Variants in LYRM4 observed in about 807,000 individuals in gnomAD.
The protein encoded by LYRM4 is LYR motif containing 4.
Under a neutral mutation model 11.7 loss-of-function variants are expected in LYRM4, and 9 were observed. The observed-to-expected ratio is 0.77, with a 90% CI of 0.46 to 1.34. The LOEUF (loss-of-function observed/expected upper bound fraction) is 1.34, where lower values mean the gene tolerates loss of function less well. Among genes scored for constraint, LYRM4 ranks in the 40% most tolerant of loss-of-function variants. The probability of loss-of-function intolerance (pLI) is 0.00; values close to 1 mark genes in which losing one functional copy is unlikely to be tolerated. For synonymous variants in LYRM4, 42 were observed against 40.4 expected (o/e 1.04, Z -0.15); for missense variants, 133 against 112.5 (o/e 1.18, Z -0.82).
chr6:5,051,112 T>C, the LYRM4 span, among the ~76,000 whole-genome samples: 4 of 152,122 alleles, frequency 2.6e-5, no homozygotes, highest in Non-Finnish European at 5.9e-5. Context: ...AACAATTGAA[T>C]TCTTGACTCT....
At chr6:5,057,263 T>C in the LYRM4 span, among the ~76,000 whole-genome samples, 2 of 152,168 alleles carry the variant, frequency 1.3e-5, no homozygotes, top group South Asian at 2.1e-4. Context: ...TAGCCTGCTG[T>C]CATTGCTAAA....
At chr6:5,127,878 A>G (rs1166990337) in intron 2 of LYRM4, among the ~76,000 whole-genome samples, 2 of 152,208 alleles carry the variant, frequency 1.3e-5, no homozygotes, top group Non-Finnish European at 2.9e-5. Context: ...CAACATTGTT[A>G]CATTACAATT....
the LYRM4 span, among the ~76,000 whole-genome samples, chr6:5,059,387 T>G: frequency 6.9e-6 from 1 of 145,798 alleles, no homozygotes; most frequent in Non-Finnish European, 1.5e-5. Context: ...AGAAGCACAC[T>G]CCTCCCCTTT....
At chr6:5,092,021 T>C in the LYRM4 span, among the ~76,000 whole-genome samples, 94 of 152,282 alleles carry the variant, frequency 6.2e-4, no homozygotes, top group Non-Finnish European at 4.4e-5. Context: ...TAGCTGGAAA[T>C]AGGAAATTCA....
intron 1 of LYRM4, among the ~76,000 whole-genome samples, chr6:5,257,648 T>C (rs1353222756): frequency 6.6e-6 from 1 of 152,156 alleles, no homozygotes; most frequent in Non-Finnish European, 1.5e-5. Flanking sequence ...GCGGCGGCAT[T>C]AGATTCTCAT....
At chr6:5,233,454 C>A (rs1164917092) in intron 1 of LYRM4, among the ~76,000 whole-genome samples, 1 of 152,164 alleles carries the variant, frequency 6.6e-6, no homozygotes, top group Non-Finnish European at 1.5e-5. Context: ...AGTTAGGGAC[C>A]TGGATTCATT....
intron 1 of LYRM4, among the ~76,000 whole-genome samples, chr6:5,222,946 C>G (rs1181712745): frequency 1.3e-5 from 2 of 152,000 alleles, no homozygotes; most frequent in African/African-American, 4.8e-5. Context: ...GGTGTATAAC[C>G]TATGAATAAT....
chr6:5,063,345 T>C, the LYRM4 span, among the ~76,000 whole-genome samples: 2 of 151,846 alleles, frequency 1.3e-5, no homozygotes, highest in Non-Finnish European at 2.9e-5. Context: ...CTGGTGCTCT[T>C]CTGGGGAGAT....
At chr6:5,180,198 C>A (rs779924538) in intron 2 of LYRM4, among the ~76,000 whole-genome samples, 1 of 152,174 alleles carries the variant, frequency 6.6e-6, no homozygotes, top group Non-Finnish European at 1.5e-5. Flanking sequence ...CCTGTGGATT[C>A]TTCCGCAGTT....
chr6:5,146,502 T>C (rs1757733379), intron 2 of LYRM4, among the ~76,000 whole-genome samples: 1 of 152,168 alleles, frequency 6.6e-6, no homozygotes, highest in African/African-American at 2.4e-5. Flanking sequence ...AGGCAGGACC[T>C]GGAATGCTTG....
chr6:5,178,072 G>T (rs1054299621), intron 2 of LYRM4, among the ~76,000 whole-genome samples: 1 of 152,128 alleles, frequency 6.6e-6, no homozygotes, highest in African/African-American at 2.4e-5. Context: ...CAGCTTAAGA[G>T]CAGTGACTAA....
chr6:5,072,141 G>A, the LYRM4 span, among the ~76,000 whole-genome samples: 1 of 152,138 alleles, frequency 6.6e-6, no homozygotes, highest in South Asian at 2.1e-4. Flanking sequence ...CCATGTCCCT[G>A]CAAAGGACAT....
At chr6:5,107,446 G>T (rs1476248122), downstream of LYRM4, 2 of 152,232 alleles carry the variant, frequency 1.3e-5, no homozygotes, top group African/African-American at 4.8e-5. Flanking sequence ...GTGGTTGGAT[G>T]CATTCACTGC....
the LYRM4 span, chr6:5,085,494 C>T: frequency 1.3e-6 from 2 of 1,535,648 alleles, no homozygotes; most frequent in South Asian, 2.4e-5. Context: ...TCATGGAGCC[C>T]ATAGGGGCGC....
intron 2 of LYRM4, among the ~76,000 whole-genome samples, chr6:5,115,344 G>C (rs1401471698): frequency 6.6e-6 from 1 of 152,168 alleles, no homozygotes; most frequent in Non-Finnish European, 1.5e-5. Context: ...TGAAGGCTTT[G>C]GCGGCACACT....
chr6:5,260,616 C>T (rs1308659822), intron 1 of LYRM4, 32 bp downstream of exon 1: 1 of 1,489,962 alleles, frequency 6.7e-7, no homozygotes, highest in Non-Finnish European at 9.0e-7. Flanking sequence ...CCCTGGCCCC[C>T]CGCCCCCGGC....
chr6:5,176,366 G>C (rs575270570), intron 2 of LYRM4, among the ~76,000 whole-genome samples: 3 of 152,122 alleles, frequency 2.0e-5, no homozygotes, highest in African/African-American at 4.8e-5. Context: ...CCTGGCCTAC[G>C]CTATTAAATT....
the LYRM4 span, among the ~76,000 whole-genome samples, chr6:5,055,154 C>T: frequency 6.6e-6 from 1 of 152,322 alleles, no homozygotes; most frequent in African/African-American, 2.4e-5. The surrounding 1 kb of genome is among the most constrained non-coding windows in gnomAD (Gnocchi z 4.5). Flanking sequence ...CCTATGACCT[C>T]GAAGACCCTG....
At chr6:5,129,492 G>A (rs540674046) in intron 2 of LYRM4, among the ~76,000 whole-genome samples, 4 of 152,226 alleles carry the variant, frequency 2.6e-5, no homozygotes, top group South Asian at 4.1e-4. Context: ...CGAAGCAGCC[G>A]CTCTGATCTC....
Sources: gnomAD v4.1 joint callset for allele counts (sites outside exome capture counted in the v4.1 genomes callset) on GRCh38, gnomAD v4.1.1 for gene constraint, Gnocchi (gnomAD v3.1) non-coding constraint, MANE v1.5 for transcripts, NCBI Gene and HGNC (gene_info 2026-07-23, HGNC 2026-07-21) for gene names.